FAM181A: variants seen among roughly 807,000 people sequenced by gnomAD.
FAM181A encodes protein FAM181A.
FAM181A carries 7 observed loss-of-function variants against 16.3 expected under a neutral mutation model. That is an observed-to-expected ratio of 0.43 (90% CI 0.24 to 0.81). FAM181A has a LOEUF of 0.81. FAM181A is among the 30% of genes least tolerant of loss of function. The pLI is 0.24. For missense variants in FAM181A, 349 were observed against 377.5 expected (o/e 0.92, Z 0.63); for synonymous variants, 183 against 164.9 (o/e 1.11, Z -0.84).
Position 93,928,354 on chromosome 14 carries a change from A to G in FAM181A, c.69A>G (p.Ala23=). ...FVNLASSDIK[A]ALDKSAPCRR... is the part of the protein sequence containing the mutation. ...ACCTGGCGTCCAGCGACATCAAGGC[A>G]GCCCTGGATAAGTCCGCACCCTGCC... The change falls in exon 2 of 2, where the codon GCA becomes GCG. Residue 23 remains alanine (A), a synonymous_variant. Coordinates refer to ENST00000556222, the MANE Select transcript of FAM181A (RefSeq NM_001207073.2). 1 of 1,613,966 alleles carries G rather than the reference A, an allele frequency of 6.2e-7. No homozygotes were observed.
At chr14:93,920,419 G>GAAGA (rs534663249) in intron 1 of FAM181A, among the ~76,000 whole-genome samples, 9 of 147,530 alleles carry the variant, frequency 6.1e-5, no homozygotes, top group African/African-American at 2.0e-4. Context: ...CTCAAAAAAA[G>GAAGA]AAGAAAGAAA....
chr14:93,920,025 A>G (rs1337945712), intron 1 of FAM181A, among the ~76,000 whole-genome samples: 1 of 152,096 alleles, frequency 6.6e-6, no homozygotes, highest in Non-Finnish European at 1.5e-5. Flanking sequence ...AAAAATAAAA[A>G]ATAAAAAAAG....
intron 1 of FAM181A, 176 bp downstream of exon 1, chr14:93,927,630 G>C: frequency 7.8e-7 from 1 of 1,285,270 alleles, no homozygotes; most frequent in East Asian, 5.6e-5. Context: ...CCGCAAGGCA[G>C]GTCTCGATTA....
Position 93,929,286 on chromosome 14 carries a change from G to A in FAM181A, c.*122G>A. On this transcript the variant is annotated 3_prime_UTR_variant, in exon 2 of 2. Transcript: ENST00000556222. Reference sequence around the variant, plus strand: ...GCCTCTTCCGTTTGTGTGCGCATGGGAGTGGAGGGCAGGATTGGGGCAGGG... The same window carrying A: ...GCCTCTTCCGTTTGTGTGCGCATGGAAGTGGAGGGCAGGATTGGGGCAGGG... The A allele has an allele frequency of 7.6e-7, 1 of 1,317,046 alleles. No homozygotes were observed. The highest frequency in any genetic ancestry group is 1.0e-6 in the Non-Finnish European group (1 of 991,454). 81.6% of individuals were successfully genotyped at this position (1,317,046 alleles called of 1,614,324 possible).
Position 93,928,493 on chromosome 14 carries a change from A to AG in FAM181A, c.213dup (p.Ser72ValfsTer2), listed in dbSNP as rs948209001. ...CAGAGCTGCTGAGCCCTACCTGAAA[A>AG]GGGGGTCTGAGGACCGGCCCAGGAG... On this transcript the variant is annotated frameshift_variant, in exon 2 of 2. Transcript: ENST00000556222. LOFTEE classifies it high-confidence loss of function. 6.2e-7 allele frequency: 1 copy of AG among 1,609,618 alleles called. No homozygotes were observed. Among genetic ancestry groups the AG allele is most frequent in the African/African-American group, 1.3e-5 (1 of 74,812 alleles).
At chr14:93,924,968 A>G (rs1266305542), upstream of FAM181A, 1 of 405,936 alleles carries the variant, frequency 2.5e-6, no homozygotes, top group Non-Finnish European at 4.4e-6. Flanking sequence ...GGTGTCCACA[A>G]AGAATCCATT....
chr14:93,926,596 G>T (rs886134984), upstream of FAM181A, among the ~76,000 whole-genome samples: 1 of 152,242 alleles, frequency 6.6e-6, no homozygotes, highest in Non-Finnish European at 1.5e-5. This position sits in a 1 kb window ranked among gnomAD's most constrained non-coding sequence, Gnocchi z 5.2. Flanking sequence ...CGCTGAATGG[G>T]CAATTCAGGC....
upstream of FAM181A, among the ~76,000 whole-genome samples, chr14:93,922,983 T>C (rs181656176): frequency 9.8e-4 from 149 of 152,308 alleles, no homozygotes; most frequent in African/African-American, 3.3e-3. Flanking sequence ...CTCCACATTT[T>C]TTTTTTTTGA....
At chr14:93,919,683 G>A (rs941899559) in intron 1 of FAM181A, among the ~76,000 whole-genome samples, 3 of 152,154 alleles carry the variant, frequency 2.0e-5, no homozygotes, top group Non-Finnish European at 4.4e-5. Context: ...GAAGTCCCAC[G>A]TGGGTCTTCT....
Position 93,928,714 on chromosome 14 carries a change from A to G in FAM181A, c.429A>G (p.Pro143=), listed in dbSNP as rs750076413. ...RQLPASFWEE[P]RPTHSYHVGL... The stretch of plus-strand genomic sequence containing the variant: ...TGCCCGCTTCCTTCTGGGAAGAGCC[A>G]AGGCCCACCCACAGCTACCATGTGG... Residue 143 remains proline (P), a synonymous_variant, in exon 2 of 2, where the codon CCA becomes CCG. Coordinates refer to ENST00000556222, the MANE Select transcript of FAM181A (RefSeq NM_001207073.2). 6 of 1,613,998 alleles carry G rather than the reference A, an allele frequency of 3.7e-6. No individual in the cohort carries two copies. In the Admixed American group the frequency reaches 1.0e-4, roughly 27 times the overall value.
rs1280432077 is a variant in FAM181A at position 93,928,977 on chromosome 14, T to C, written c.692T>C (p.Leu231Pro). The C allele has an allele frequency of 6.2e-7, 1 of 1,613,492 alleles. No individual in the cohort carries two copies. The highest frequency in any genetic ancestry group is 8.5e-7 in the Non-Finnish European group (1 of 1,179,838). ...ATCTATCCGGGCCCCCTGGGGGCAC[T>C]GCCTCAGAGTCCTGTCCCCAGCCTG... ...QPIYPGPLGALPQSPVPSLGL... is the reference protein window; with the variant it reads ...QPIYPGPLGAPPQSPVPSLGL... The change falls in exon 2 of 2, where the codon CTG (leucine) becomes CCG (proline). Residue 231 changes from leucine (L) to proline (P), a missense_variant. Leu to Pro is a moderately conservative substitution (Grantham distance 98, BLOSUM62 -3). Coordinates refer to ENST00000556222, the MANE Select transcript of FAM181A (RefSeq NM_001207073.2).
intron 1 of FAM181A, among the ~76,000 whole-genome samples, chr14:93,920,690 G>C (rs780715637): frequency 6.6e-6 from 1 of 152,200 alleles, no homozygotes; most frequent in Non-Finnish European, 1.5e-5. Context: ...TCCTCAACTT[G>C]ATAAAGAGGA....
chr14:93,927,062 C>CACACACACACACA (rs1415891809), upstream of FAM181A: 415 of 33,648 alleles, frequency 0.012, 3 homozygotes, highest in Non-Finnish European at 0.018. Context: ...ACACACACAC[C>CACACACACACACA]CCACCCCCTT....
At chr14:93,927,557 G>A (rs1361102912) in intron 1 of FAM181A, 103 bp downstream of exon 1, 10 of 1,286,068 alleles carry the variant, frequency 7.8e-6, no homozygotes, top group Non-Finnish European at 9.1e-6. Flanking sequence ...CGGCCGAGGA[G>A]GCATGAAATT....
upstream of FAM181A, chr14:93,923,400 C>G (rs892743426): frequency 6.6e-6 from 1 of 152,304 alleles, no homozygotes; most frequent in Admixed American, 6.5e-5. Context: ...CCTCTTCTCA[C>G]TTGCAGCTCC....
At position 93,927,353 on chromosome 14, in the gene FAM181A, C is replaced by T; in HGVS notation, c.-189C>T. On this transcript the variant is annotated 5_prime_UTR_variant, in exon 1 of 2. Coordinates refer to ENST00000556222, the MANE Select transcript of FAM181A (RefSeq NM_001207073.2). ...AGCCCACTCAAGGGTTGCACAACTG[C>T]TTCCAGCCGGACGGAGCTCGGCCGG... 1 of 1,125,484 alleles carries T rather than the reference C, an allele frequency of 8.9e-7. No homozygotes were observed. Among genetic ancestry groups the T allele is most frequent in the Non-Finnish European group, 1.1e-6 (1 of 908,540 alleles). 69.7% of individuals were successfully genotyped at this position (1,125,484 alleles called of 1,614,324 possible). A position where few individuals can be genotyped will look rare whatever the true frequency, so the allele number is the denominator to read the frequency against.
chr14:93,929,346 T>C lies in FAM181A; in HGVS notation c.*182T>C. 3 of 850,774 alleles carry C rather than the reference T, an allele frequency of 3.5e-6. No individual in the cohort carries two copies. The highest frequency in any genetic ancestry group is 2.8e-5 in the East Asian group (1 of 35,170). 52.7% of individuals were successfully genotyped at this position (850,774 alleles called of 1,614,324 possible). ...CAGTGACCCTTCAGCCTTGCAGCCT[T>C]GGAAGCTGGGAGGCTGGACCTGGTT... On this transcript the variant is annotated 3_prime_UTR_variant, in exon 2 of 2. Coordinates refer to ENST00000556222, the MANE Select transcript of FAM181A (RefSeq NM_001207073.2).
At chr14:93,925,445 G>A, upstream of FAM181A, 1 of 1,400,612 alleles carries the variant, frequency 7.1e-7, no homozygotes, top group Non-Finnish European at 9.8e-7. Flanking sequence ...CACACAGTAG[G>A]CAGCAGGGAG....
chr14:93,921,742 C>T (rs894934471), intron 1 of FAM181A, among the ~76,000 whole-genome samples: 3 of 151,886 alleles, frequency 2.0e-5, no homozygotes, highest in African/African-American at 4.8e-5. Flanking sequence ...AGTCTGTAGC[C>T]CTGGGCTAGC....
Sources: gnomAD v4.1 joint callset for allele counts (sites outside exome capture counted in the v4.1 genomes callset) on GRCh38, gnomAD v4.1.1 for gene constraint, Gnocchi (gnomAD v3.1) non-coding constraint, MANE v1.5 for transcripts, NCBI Gene and HGNC (gene_info 2026-07-23, HGNC 2026-07-21) for gene names.